Variants in CACNA2D3 observed in about 807,000 individuals in gnomAD.
CACNA2D3 encodes calcium voltage-gated channel auxiliary subunit alpha2delta 3, also known as voltage-dependent calcium channel subunit alpha-2/delta-3.
In CACNA2D3, 60 loss-of-function variants were observed where a neutral mutation model predicts 160.6. That is an observed-to-expected ratio of 0.37 (90% CI 0.30 to 0.46). The LOEUF (loss-of-function observed/expected upper bound fraction) is 0.46. CACNA2D3 is among the 20% of genes least tolerant of loss of function. The pLI is 1.00. For synonymous variants in CACNA2D3, 558 were observed against 492.9 expected (o/e 1.13, Z -1.75); for missense variants, 1,205 against 1,365.0 (o/e 0.88, Z 1.85).
chr3:54,123,388 T>C (rs1422917335), intron 1 of CACNA2D3, 125 bp from the exon 2 acceptor site: 1 of 736,380 alleles, frequency 1.4e-6, no homozygotes, highest in Admixed American at 2.3e-5. Context: ...CTATCTTTTC[T>C]TCTTTTAAAA....
At chr3:54,715,219 C>G (rs1701031168) in intron 11 of CACNA2D3, among the ~76,000 whole-genome samples, 1 of 152,162 alleles carries the variant, frequency 6.6e-6, no homozygotes, top group Non-Finnish European at 1.5e-5. Context: ...TCACAGAACT[C>G]AGGGAAACAC....
At chr3:54,893,184 G>A (rs113433317) in intron 25 of CACNA2D3, among the ~76,000 whole-genome samples, 16,597 of 152,186 alleles carry the variant, frequency 0.11, 918 homozygotes, top group Middle Eastern at 0.16. Context: ...GCTGAGGTAG[G>A]AGAATCACTT....
intron 35 of CACNA2D3, among the ~76,000 whole-genome samples, chr3:55,025,853 AC>A (rs1480008867): frequency 1.3e-5 from 2 of 151,886 alleles, no homozygotes; most frequent in Admixed American, 1.3e-4. Context: ...CAAGACCACC[AC>A]CTGGCAGGTC....
At chr3:54,715,645 A>C (rs1701039006) in intron 11 of CACNA2D3, among the ~76,000 whole-genome samples, 1 of 152,080 alleles carries the variant, frequency 6.6e-6, no homozygotes, top group Non-Finnish European at 1.5e-5. Flanking sequence ...GTTAGCATAC[A>C]AAAGACACTC....
intron 4 of CACNA2D3, among the ~76,000 whole-genome samples, chr3:54,432,023 A>G (rs1414538864): frequency 1.3e-5 from 2 of 152,216 alleles, no homozygotes; most frequent in Non-Finnish European, 2.9e-5. Context: ...GGCTCCTTAG[A>G]TAAATTTCAG....
chr3:54,963,583 G>C (rs1702080959), intron 27 of CACNA2D3, among the ~76,000 whole-genome samples: 1 of 152,202 alleles, frequency 6.6e-6, no homozygotes, highest in South Asian at 2.1e-4. Context: ...CACAGGATCA[G>C]AGCATTCAAG....
At chr3:55,011,058 A>G (rs1035663873) in intron 34 of CACNA2D3, among the ~76,000 whole-genome samples, 2 of 152,228 alleles carry the variant, frequency 1.3e-5, no homozygotes, top group African/African-American at 4.8e-5. Context: ...TAACTTACAC[A>G]TAGGCTCGTT....
intron 13 of CACNA2D3, among the ~76,000 whole-genome samples, chr3:54,814,864 C>T (rs1371864213): frequency 6.6e-6 from 1 of 152,164 alleles, no homozygotes; most frequent in Non-Finnish European, 1.5e-5. Flanking sequence ...CTGCAAAGTC[C>T]AGCAGTTTGT....
chr3:54,926,074 AACTT>A (rs1701005468), intron 27 of CACNA2D3, among the ~76,000 whole-genome samples: 1 of 152,040 alleles, frequency 6.6e-6, no homozygotes, highest in African/African-American at 2.4e-5. Context: ...TATGCAGTTG[AACTT>A]ACTTTGATTC....
chr3:54,684,063 C>A (rs1351956656), intron 11 of CACNA2D3, among the ~76,000 whole-genome samples: 1 of 151,062 alleles, frequency 6.6e-6, no homozygotes, highest in East Asian at 1.9e-4. Context: ...CTCTCTCCCC[C>A]AGGTTCAAGC....
rs770845008 is a variant in CACNA2D3 at position 54,918,442 on chromosome 3, A to G, written c.2449+18574A>G. ...CTTCTGGCCTGCAATGACCAATCCT[A>G]TTTGAGACAAAAGCTCTCAGGCTGG... is the stretch of plus-strand genomic sequence containing the variant. On this transcript the variant is annotated intron_variant, in intron 27 of 37. Coordinates refer to ENST00000474759, the MANE Select transcript of CACNA2D3 (RefSeq NM_018398.3). The G allele has an allele frequency of 2.7e-5, 44 of 1,602,422 alleles. No individual in the cohort carries two copies. The Middle Eastern group carries it at 5.0e-4, about 18-fold the overall frequency.
chr3:54,687,399 C>T (rs1017267575), intron 11 of CACNA2D3, among the ~76,000 whole-genome samples: 2 of 151,544 alleles, frequency 1.3e-5, no homozygotes, highest in Admixed American at 6.6e-5. Context: ...ATCCGCCTGC[C>T]TTGGCCTCCC....
intron 27 of CACNA2D3, among the ~76,000 whole-genome samples, chr3:54,911,391 A>C (rs1700553547): frequency 1.1e-5 from 1 of 92,796 alleles, no homozygotes; most frequent in Non-Finnish European, 1.9e-5. Flanking sequence ...TGGGGGTCAC[A>C]CGTTTTTCCC....
intron 4 of CACNA2D3, among the ~76,000 whole-genome samples, chr3:54,466,822 A>C (rs758659777): frequency 6.6e-6 from 1 of 150,660 alleles, no homozygotes; most frequent in Non-Finnish European, 1.5e-5. Context: ...ACTTTGGGAC[A>C]GTTGGTTGGG....
At chr3:54,488,688 T>G (rs1438706419) in intron 4 of CACNA2D3, among the ~76,000 whole-genome samples, 1 of 152,192 alleles carries the variant, frequency 6.6e-6, no homozygotes, top group Non-Finnish European at 1.5e-5. Flanking sequence ...CAGTCTCTAC[T>G]GAGTACCTGT....
At chr3:54,796,176 C>G (rs1348392229) in intron 13 of CACNA2D3, among the ~76,000 whole-genome samples, 1 of 152,100 alleles carries the variant, frequency 6.6e-6, no homozygotes, top group South Asian at 2.1e-4. Flanking sequence ...TATCCATTAA[C>G]AGAGTACTTT....
chr3:54,647,913 T>G (rs1236224255), intron 11 of CACNA2D3, among the ~76,000 whole-genome samples: 3 of 152,230 alleles, frequency 2.0e-5, no homozygotes, highest in Non-Finnish European at 2.9e-5. Flanking sequence ...CCATTGGTTA[T>G]GACTTAACAG....
chr3:54,281,500 C>T (rs182360924), intron 2 of CACNA2D3, among the ~76,000 whole-genome samples: 15 of 152,046 alleles, frequency 9.9e-5, no homozygotes, highest in Admixed American at 5.2e-4. Context: ...GACCCCAGAG[C>T]GCACTCAAAC....
chr3:54,796,183 C>T (rs1455497053), intron 13 of CACNA2D3, among the ~76,000 whole-genome samples: 1 of 152,120 alleles, frequency 6.6e-6, no homozygotes, highest in African/African-American at 2.4e-5. Flanking sequence ...TAACAGAGTA[C>T]TTTAAGTTTT....
Sources: allele counts gnomAD v4.1 joint callset (sites outside exome capture counted in the v4.1 genomes callset), GRCh38; gene constraint gnomAD v4.1.1; transcripts MANE v1.5; gene names NCBI Gene and HGNC (gene_info 2026-07-23, HGNC 2026-07-21).